PTK2: variants seen among roughly 807,000 people sequenced by gnomAD.
PTK2 encodes the protein protein tyrosine kinase 2.
Under a neutral mutation model 150.1 loss-of-function variants are expected in PTK2, and 45 were observed. The observed-to-expected ratio is 0.30, with a 90% CI of 0.24 to 0.38. The LOEUF is 0.38. PTK2 is among the 10% of genes least tolerant of loss of function. The probability of loss-of-function intolerance (pLI) is 1.00; values close to 1 mark genes in which losing one functional copy is unlikely to be tolerated. For synonymous variants in PTK2, 432 were observed against 449.2 expected (o/e 0.96, Z 0.48); for missense variants, 919 against 1,307.3 (o/e 0.70, Z 4.58).
intron 17 of PTK2, chr8:140,750,239 T>C (rs892031165): frequency 1.3e-5 from 2 of 152,212 alleles, no homozygotes; most frequent in African/African-American, 4.8e-5. Context: ...TGTTGGGTGG[T>C]ATTTATTACA....
intron 1 of PTK2, among the ~76,000 whole-genome samples, chr8:140,951,567 T>G (rs973134835): frequency 2.0e-5 from 3 of 152,152 alleles, no homozygotes; most frequent in Non-Finnish European, 4.4e-5. Context: ...CCAAGATGGG[T>G]AGATTTTGTC....
intron 2 of PTK2, among the ~76,000 whole-genome samples, chr8:140,913,639 ATC>A (rs2100164092): frequency 6.6e-6 from 1 of 150,408 alleles, no homozygotes; most frequent in African/African-American, 2.5e-5. Flanking sequence ...TTACAATATC[ATC>A]AAAAAACACC....
intron 1 of PTK2, among the ~76,000 whole-genome samples, chr8:140,972,679 C>A (rs2100187744): frequency 6.6e-6 from 1 of 152,096 alleles, no homozygotes; most frequent in African/African-American, 2.4e-5. Flanking sequence ...ATCTGCAAAA[C>A]CTAAAATATT....
chr8:140,910,555 A>C (rs998150749), intron 2 of PTK2, among the ~76,000 whole-genome samples: 3 of 151,776 alleles, frequency 2.0e-5, no homozygotes, highest in African/African-American at 7.3e-5. Flanking sequence ...CTTGAAAGTG[A>C]CTGCTATAGA....
At chr8:140,984,776 C>T (rs2154610044) in intron 1 of PTK2, among the ~76,000 whole-genome samples, 1 of 152,226 alleles carries the variant, frequency 6.6e-6, no homozygotes, top group Non-Finnish European at 1.5e-5. Flanking sequence ...TTGTACAGAG[C>T]CTAAACCACA....
At chr8:140,946,442 T>C (rs894051111) in intron 1 of PTK2, among the ~76,000 whole-genome samples, 1 of 152,202 alleles carries the variant, frequency 6.6e-6, no homozygotes, top group African/African-American at 2.4e-5. Flanking sequence ...CCTACCATGA[T>C]AGGAGTTCAG....
At position 140,921,199 on chromosome 8, in the gene PTK2, C is replaced by T. The variant is rs1367643220; in HGVS notation, c.-33+4462G>A. On this transcript the variant is annotated intron_variant, in intron 2 of 31. Coordinates refer to ENST00000522684, the Ensembl canonical transcript of PTK2. ...GAATGAAACCAGCTTAGTAATGTGA[C>T]CCCATGGCTCTGTGTTCCTAGATTC... 3 of 997,386 alleles carry T rather than the reference C, an allele frequency of 3.0e-6. No individual in the cohort carries two copies. The East Asian group carries it at 1.3e-4, about 44-fold the overall frequency. 61.8% of individuals were successfully genotyped at this position (997,386 alleles called of 1,614,324 possible). A position where few individuals can be genotyped will look rare whatever the true frequency, so the allele number is the denominator to read the frequency against.
In PTK2 at chr8:140,803,792, T is replaced by G. The variant is rs993267600; in HGVS notation, c.868-142A>C. On this transcript the variant is annotated intron_variant, in intron 10 of 31. Transcript: ENST00000522684. ...TCTGGGGAAAAAAACAGATTCTCCA[T>G]GCTGCCCCAGGGGAGCAGCCATGAG... is the stretch of plus-strand genomic sequence containing the variant. 1.8e-5 allele frequency: 13 copies of G among 729,284 alleles called. No individual in the cohort carries two copies. In the African/African-American group the frequency reaches 2.1e-4, roughly 12 times the overall value. The allele number at this position is 729,284 out of a possible 1,614,324, so 45.2% of individuals were successfully genotyped here. A position where few individuals can be genotyped will look rare whatever the true frequency, so the allele number is the denominator to read the frequency against.
At chr8:140,876,726 T>A (rs2100145751) in intron 4 of PTK2, among the ~76,000 whole-genome samples, 1 of 152,198 alleles carries the variant, frequency 6.6e-6, no homozygotes, top group Non-Finnish European at 1.5e-5. Context: ...TTCCATCTTT[T>A]CATCTCTCCG....
At chr8:140,784,791 A>T (rs73371832) in intron 14 of PTK2, among the ~76,000 whole-genome samples, 6,178 of 152,292 alleles carry the variant, frequency 0.041, 331 homozygotes, top group African/African-American at 0.12. Flanking sequence ...GTTCTGTTAG[A>T]TATTTTTATA....
chr8:140,792,035 G>A (rs2100088801), intron 13 of PTK2, among the ~76,000 whole-genome samples: 1 of 152,140 alleles, frequency 6.6e-6, no homozygotes, highest in African/African-American at 2.4e-5. Context: ...ACAGGCTAAG[G>A]AGCAAAACTG....
At chr8:140,946,610 T>C (rs2100177788) in intron 1 of PTK2, among the ~76,000 whole-genome samples, 1 of 152,228 alleles carries the variant, frequency 6.6e-6, no homozygotes, top group Non-Finnish European at 1.5e-5. Context: ...GTTTCCCGCA[T>C]GAATACACCC....
intron 26 of PTK2, among the ~76,000 whole-genome samples, chr8:140,688,971 C>T (rs568910076): frequency 6.6e-6 from 1 of 152,272 alleles, no homozygotes; most frequent in African/African-American, 2.4e-5. Flanking sequence ...AGAGGACTAT[C>T]CCATTAGATA....
intron 26 of PTK2, among the ~76,000 whole-genome samples, chr8:140,691,624 A>T (rs1326846261): frequency 1.3e-5 from 2 of 152,204 alleles, no homozygotes; most frequent in Non-Finnish European, 2.9e-5. Context: ...ACACCGGACA[A>T]ACAGGTGGAG....
chr8:140,845,414 A>G (rs2100124794), intron 7 of PTK2, among the ~76,000 whole-genome samples: 1 of 152,012 alleles, frequency 6.6e-6, no homozygotes, highest in Admixed American at 6.6e-5. Context: ...ATGCTGATTT[A>G]TCCTCTTGAC....
chr8:140,683,022 C>T (rs189964966), intron 27 of PTK2, among the ~76,000 whole-genome samples: 90 of 152,094 alleles, frequency 5.9e-4, no homozygotes, highest in Non-Finnish European at 1.0e-3. Context: ...CTAAATGGAA[C>T]TGAGACATGA....
At chr8:140,809,897 G>A (rs888434378) in intron 10 of PTK2, among the ~76,000 whole-genome samples, 2 of 152,176 alleles carry the variant, frequency 1.3e-5, no homozygotes, top group African/African-American at 2.4e-5. Flanking sequence ...GTTCTACCTA[G>A]TCTTTAAACA....
At chr8:140,684,170 G>C (rs2100018511) in intron 27 of PTK2, among the ~76,000 whole-genome samples, 1 of 152,182 alleles carries the variant, frequency 6.6e-6, no homozygotes, top group South Asian at 2.1e-4. Context: ...AATCATTTTG[G>C]CACCAGGGAC....
intron 22 of PTK2, among the ~76,000 whole-genome samples, chr8:140,728,620 G>A (rs1281710145): frequency 6.6e-6 from 1 of 152,198 alleles, no homozygotes; most frequent in Non-Finnish European, 1.5e-5. Context: ...CTGGGTTCAT[G>A]CGATTCTCCT....
Sources: allele counts gnomAD v4.1 joint callset (sites outside exome capture counted in the v4.1 genomes callset), GRCh38; gene constraint gnomAD v4.1.1; transcripts MANE v1.5; gene names NCBI Gene and HGNC (gene_info 2026-07-23, HGNC 2026-07-21).